TAF3: variants seen among roughly 807,000 people sequenced by gnomAD.
The protein encoded by TAF3 is TATA-box binding protein associated factor 3.
Under a neutral mutation model 80.6 loss-of-function variants are expected in TAF3, and 7 were observed. The observed-to-expected ratio is 0.09, with a 90% confidence interval of 0.05 to 0.16. TAF3 has a LOEUF of 0.16. Ranked by LOEUF, TAF3 falls within the 10% of genes least tolerant of loss-of-function variation. TAF3 has a pLI of 1.00. For synonymous variants in TAF3, 444 were observed against 446.1 expected, an observed-to-expected ratio of 1.00 and a Z score of 0.06; for missense variants, 921 against 1,140.2, an observed-to-expected ratio of 0.81 and a Z score of 2.77.
At chr10:7,870,800 T>G (rs1376412875) in intron 2 of TAF3, among the ~76,000 whole-genome samples, 2 of 152,306 alleles carry the variant, frequency 1.3e-5, no homozygotes, top group East Asian at 1.9e-4. Flanking sequence ...CATTTTGTTC[T>G]TGATCCCTTC....
chr10:7,898,230 G>A (rs2131168860), intron 2 of TAF3, among the ~76,000 whole-genome samples: 1 of 152,130 alleles, frequency 6.6e-6, no homozygotes, highest in East Asian at 1.9e-4. Flanking sequence ...AATTGACACA[G>A]GGACTCAACA....
chr10:7,984,651 G>T (rs1831759552), intron 4 of TAF3, among the ~76,000 whole-genome samples: 1 of 152,152 alleles, frequency 6.6e-6, no homozygotes, highest in Non-Finnish European at 1.5e-5. Context: ...CACCTCTTTA[G>T]ATATGATTTG....
chr10:8,008,965 T>C (rs1832023862), intron 4 of TAF3, 113 bp from the exon 5 acceptor site: 2 of 1,413,018 alleles, frequency 1.4e-6, no homozygotes, highest in African/African-American at 1.5e-5. Flanking sequence ...CCTCTAGACG[T>C]TGAAGTATTT....
At chr10:7,988,454 C>G (rs182789102) in intron 4 of TAF3, among the ~76,000 whole-genome samples, 12 of 151,272 alleles carry the variant, frequency 7.9e-5, no homozygotes, top group African/African-American at 2.9e-4. Context: ...CACCTGTTAT[C>G]CCAGCTACTC....
intron 1 of TAF3, among the ~76,000 whole-genome samples, chr10:7,821,995 CTGAGTAAAA>C: frequency 1.3e-5 from 2 of 152,078 alleles, no homozygotes; most frequent in Non-Finnish European, 2.9e-5. Context: ...CCAAGGGTGT[CTGAGTAAAA>C]TGTTCAACAG....
chr10:7,890,793 T>C (rs1837450963), intron 2 of TAF3, among the ~76,000 whole-genome samples: 2 of 152,254 alleles, frequency 1.3e-5, no homozygotes, highest in South Asian at 2.1e-4. Context: ...ACCTACGTCA[T>C]ACATTTTTTT....
At chr10:7,898,878 A>G (rs1260955941) in intron 2 of TAF3, among the ~76,000 whole-genome samples, 1 of 151,790 alleles carries the variant, frequency 6.6e-6, no homozygotes, top group African/African-American at 2.4e-5. Flanking sequence ...GTGGTTTCAG[A>G]CTTGCGAGTG....
At chr10:7,932,498 G>A (rs540231990) in intron 2 of TAF3, among the ~76,000 whole-genome samples, 2 of 152,194 alleles carry the variant, frequency 1.3e-5, no homozygotes, top group East Asian at 3.9e-4. Context: ...GAGAGAGATT[G>A]ATTATGAGTC....
chr10:7,996,186 G>A (rs746664418), intron 4 of TAF3, among the ~76,000 whole-genome samples: 1 of 152,114 alleles, frequency 6.6e-6, no homozygotes, highest in African/African-American at 2.4e-5. Context: ...TCTGGCTCAG[G>A]TCTGTCTGCA....
chr10:7,934,252 T>A (rs932713533), intron 2 of TAF3, among the ~76,000 whole-genome samples: 3 of 152,210 alleles, frequency 2.0e-5, no homozygotes, highest in African/African-American at 7.2e-5. Flanking sequence ...GTTCAGTTAG[T>A]CTAAAATAAA....
intron 2 of TAF3, among the ~76,000 whole-genome samples, chr10:7,873,536 TA>T (rs1837285700): frequency 6.6e-6 from 1 of 151,436 alleles, no homozygotes; most frequent in Non-Finnish European, 1.5e-5. Context: ...AATAGTTTAG[TA>T]GAACTGGAAC....
chr10:7,925,153 T>C (rs1168900943), intron 2 of TAF3, among the ~76,000 whole-genome samples: 1 of 152,176 alleles, frequency 6.6e-6, no homozygotes, highest in Non-Finnish European at 1.5e-5. Context: ...AAAGTCTATT[T>C]TTAAACTTCA....
intron 2 of TAF3, among the ~76,000 whole-genome samples, chr10:7,852,767 A>G (rs576051733): frequency 6.6e-6 from 1 of 152,330 alleles, no homozygotes; most frequent in Admixed American, 6.5e-5. Flanking sequence ...TGTTTTCTTC[A>G]CAAGCTGGAG....
intron 2 of TAF3, among the ~76,000 whole-genome samples, chr10:7,902,103 T>A (rs979746461): frequency 6.6e-6 from 1 of 152,124 alleles, no homozygotes; most frequent in African/African-American, 2.4e-5. Context: ...AACCACCAAT[T>A]AACATATTTA....
At chr10:7,920,287 A>G (rs1313405288) in intron 2 of TAF3, among the ~76,000 whole-genome samples, 2 of 150,598 alleles carry the variant, frequency 1.3e-5, no homozygotes, top group African/African-American at 4.9e-5. Context: ...AAAATTAAAA[A>G]ATTTAAACAT....
At chr10:7,851,618 T>C (rs1284926210) in intron 2 of TAF3, among the ~76,000 whole-genome samples, 1 of 152,214 alleles carries the variant, frequency 6.6e-6, no homozygotes, top group Non-Finnish European at 1.5e-5. Context: ...CCAGTCTTAT[T>C]CATCTGTGCC....
At chr10:7,966,717 A>G (rs1319059927) in intron 3 of TAF3, among the ~76,000 whole-genome samples, 1 of 152,190 alleles carries the variant, frequency 6.6e-6, no homozygotes, top group Non-Finnish European at 1.5e-5. Context: ...GATGTATTTG[A>G]CCTGCAGCAG....
chr10:7,916,814 A>G (rs1327200727), intron 2 of TAF3, among the ~76,000 whole-genome samples: 2 of 152,152 alleles, frequency 1.3e-5, no homozygotes, highest in African/African-American at 2.4e-5. Flanking sequence ...TCTTTCAACA[A>G]TGGTGCTTTT....
chr10:7,983,535 C>T (rs1458328279), intron 4 of TAF3, among the ~76,000 whole-genome samples: 1 of 152,114 alleles, frequency 6.6e-6, no homozygotes, highest in Non-Finnish European at 1.5e-5. Flanking sequence ...TTAATATTTT[C>T]TTCCTAACAA....
Sources: allele counts gnomAD v4.1 joint callset (sites outside exome capture counted in the v4.1 genomes callset), GRCh38; gene constraint gnomAD v4.1.1; transcripts MANE v1.5; gene names NCBI Gene and HGNC (gene_info 2026-07-23, HGNC 2026-07-21).